Variants in CNTN5 observed in about 807,000 individuals in gnomAD.
The protein encoded by CNTN5 is contactin-5.
In CNTN5, 77 loss-of-function variants were observed where a neutral mutation model predicts 129.1. That is an observed-to-expected ratio of 0.60 (90% CI 0.50 to 0.72). The LOEUF is 0.72. Ranked by LOEUF, CNTN5 falls within the 30% of genes least tolerant of loss-of-function variation. The pLI is 0.00. For missense variants in CNTN5, 1,478 were observed against 1,328.8 expected (o/e 1.11, Z -1.75); for synonymous variants, 509 against 465.6 (o/e 1.09, Z -1.20).
At chr11:100,121,837 T>C (rs550121934) in intron 13 of CNTN5, among the ~76,000 whole-genome samples, 47 of 151,788 alleles carry the variant, frequency 3.1e-4, no homozygotes, top group African/African-American at 1.1e-3. Flanking sequence ...GAAAGTATTA[T>C]GAAGAAAAAT....
intron 3 of CNTN5, among the ~76,000 whole-genome samples, chr11:99,718,263 CTG>C (rs1479700899): frequency 6.6e-6 from 1 of 152,160 alleles, no homozygotes; most frequent in African/African-American, 2.4e-5. Context: ...TAATCACTCA[CTG>C]TGTCAGACAC....
At chr11:99,462,472 T>C (rs1944751946) in intron 2 of CNTN5, among the ~76,000 whole-genome samples, 1 of 151,826 alleles carries the variant, frequency 6.6e-6, no homozygotes, top group South Asian at 2.1e-4. Context: ...TGATGTGCCC[T>C]GGAAGAAATA....
intron 6 of CNTN5, among the ~76,000 whole-genome samples, chr11:99,905,730 C>CA (rs1372625817): frequency 1.3e-5 from 2 of 152,094 alleles, no homozygotes; most frequent in Admixed American, 1.3e-4. Flanking sequence ...TTACTTTGGG[C>CA]ACTATGGCCA....
chr11:99,788,491 T>C (rs770329374), intron 3 of CNTN5, among the ~76,000 whole-genome samples: 1 of 151,972 alleles, frequency 6.6e-6, no homozygotes, highest in Non-Finnish European at 1.5e-5. Context: ...TATTTTTATG[T>C]CATTCCCTTT....
At chr11:100,141,680 G>C (rs946447068) in intron 13 of CNTN5, among the ~76,000 whole-genome samples, 2 of 152,134 alleles carry the variant, frequency 1.3e-5, no homozygotes, top group African/African-American at 2.4e-5. Context: ...ATTTGTTATA[G>C]AAATGAATAA....
intron 3 of CNTN5, among the ~76,000 whole-genome samples, chr11:99,727,361 T>C (rs112344030): frequency 1.3e-3 from 193 of 146,636 alleles, no homozygotes; most frequent in African/African-American, 4.8e-3. Flanking sequence ...TGCTATTGTG[T>C]GTTATTAGAA....
chr11:100,347,378 T>A (rs1952306766), intron 23 of CNTN5, among the ~76,000 whole-genome samples: 2 of 152,096 alleles, frequency 1.3e-5, no homozygotes, highest in Non-Finnish European at 2.9e-5. Context: ...CAGCCTTCTT[T>A]TCTCTGTTTC....
intron 6 of CNTN5, among the ~76,000 whole-genome samples, chr11:99,873,509 G>C (rs1275211321): frequency 1.3e-5 from 2 of 152,046 alleles, no homozygotes; most frequent in Admixed American, 6.6e-5. Context: ...AAACCACACT[G>C]TGATATCATC....
intron 3 of CNTN5, among the ~76,000 whole-genome samples, chr11:99,792,173 T>A (rs1179943353): frequency 6.6e-6 from 1 of 152,144 alleles, no homozygotes; most frequent in African/African-American, 2.4e-5. Context: ...TCTTTCCTCG[T>A]TCCAGTTCTC....
chr11:99,261,718 G>T (rs115559703), intron 1 of CNTN5, among the ~76,000 whole-genome samples: 1,843 of 152,106 alleles, frequency 0.012, 40 homozygotes, highest in African/African-American at 0.042. Context: ...TACCCTCTTT[G>T]AAGATAGGTA....
At chr11:99,292,295 T>C (rs1329675160) in intron 1 of CNTN5, among the ~76,000 whole-genome samples, 1 of 151,226 alleles carries the variant, frequency 6.6e-6, no homozygotes, top group African/African-American at 2.4e-5. Context: ...AATAGTCCCT[T>C]GAAAGGTAGG....
rs897906213 is a variant in CNTN5 at position 99,792,531 on chromosome 11, G to A, written c.56-27013G>A. 3.4e-5 allele frequency among the ~76,000 whole-genome samples: 5 copies of A among 145,242 alleles called. No homozygotes were observed. In the South Asian group the frequency reaches 1.1e-3, roughly 33 times the overall value. On this transcript the variant is annotated intron_variant, in intron 3 of 24. Transcript: ENST00000524871. The stretch of plus-strand genomic sequence containing the variant: ...CTATGATTATTGAGGATATTGGCCT[G>A]AAGAGGGGTGTGTGTGTGTGTGTGT...
intron 1 of CNTN5, among the ~76,000 whole-genome samples, chr11:99,105,281 A>G (rs1017874290): frequency 2.6e-5 from 4 of 151,746 alleles, no homozygotes; most frequent in Non-Finnish European, 4.4e-5. Flanking sequence ...TAGTAACCAA[A>G]AGCATAAAAA....
rs77649162 is a variant in CNTN5 at position 100,145,540 on chromosome 11, G to A, written c.1581-45586G>A. Among the ~76,000 whole-genome samples, 980 of 152,164 alleles carry A rather than the reference G, an allele frequency of 6.4e-3. 7 individuals carry two copies. Among genetic ancestry groups the A allele is most frequent in the African/African-American group, 0.022 (921 of 41,516 alleles). On this transcript the variant is annotated intron_variant, in intron 13 of 24. Coordinates refer to ENST00000524871, the MANE Select transcript of CNTN5 (RefSeq NM_014361.4). The stretch of plus-strand genomic sequence containing the variant: ...ACTGGGACTTGACAGGAGCCTCTGG[G>A]GAATCATCACTACCTAATAGGTTTC...
rs578195975 is a variant in CNTN5 at position 99,647,790 on chromosome 11, T to A, written c.55+91521T>A. The stretch of plus-strand genomic sequence containing the variant: ...TTAAATTTATTCCAAGGCATTTTAT[T>A]TTTTTTTTGTATCTATACTAATGGG... On this transcript the variant is annotated intron_variant, in intron 3 of 24. Coordinates refer to ENST00000524871, the MANE Select transcript of CNTN5 (RefSeq NM_014361.4). Among the ~76,000 whole-genome samples the A allele has an allele frequency of 2.9e-3, 435 of 149,644 alleles. 4 individuals carry two copies. Among genetic ancestry groups the A allele is most frequent in the African/African-American group, 1.0e-2 (412 of 41,362 alleles).
At chr11:99,832,488 T>G (rs1013823850) in intron 4 of CNTN5, among the ~76,000 whole-genome samples, 1 of 152,190 alleles carries the variant, frequency 6.6e-6, no homozygotes, top group Admixed American at 6.6e-5. Context: ...CCATGAAACA[T>G]TCATCAATAT....
At chr11:99,411,442 C>A (rs1259072082) in intron 2 of CNTN5, among the ~76,000 whole-genome samples, 3 of 152,092 alleles carry the variant, frequency 2.0e-5, no homozygotes, top group Non-Finnish European at 4.4e-5. Context: ...ATGGCTTAAG[C>A]CTGGGAAATG....
chr11:99,384,172 C>T (rs1348739317), intron 2 of CNTN5, among the ~76,000 whole-genome samples: 1 of 152,120 alleles, frequency 6.6e-6, no homozygotes, highest in Non-Finnish European at 1.5e-5. Flanking sequence ...CTATAAAGTG[C>T]TAGATTTATT....
At chr11:100,191,496 G>A (rs542624116) in intron 14 of CNTN5, among the ~76,000 whole-genome samples, 35 of 152,170 alleles carry the variant, frequency 2.3e-4, no homozygotes, top group Non-Finnish European at 4.3e-4. Context: ...ATTTGTGAGA[G>A]AATGAGGCAA....
Sources: allele counts gnomAD v4.1 joint callset (sites outside exome capture counted in the v4.1 genomes callset), GRCh38; gene constraint gnomAD v4.1.1; transcripts MANE v1.5; gene names NCBI Gene and HGNC (gene_info 2026-07-23, HGNC 2026-07-21).